The following SGK1 variants were observed in gnomAD, a reference collection of about 807,000 sequenced individuals.
SGK1 encodes the protein serine/threonine-protein kinase Sgk1.
A neutral mutation model predicts 64.2 loss-of-function variants in SGK1; 26 were observed. The ratio of observed to expected loss-of-function variants is 0.40; its 90% CI spans 0.30 to 0.56. SGK1 has a LOEUF of 0.56. Among genes scored for constraint, SGK1 ranks in the 20% least tolerant of loss-of-function variants. SGK1 has a pLI of 0.38. For missense variants in SGK1, 519 were observed against 645.6 expected, an observed-to-expected ratio of 0.80 and a Z score of 2.12; for synonymous variants, 265 against 239.7, an observed-to-expected ratio of 1.11 and a Z score of -0.98.
At chr6:134,178,975 C>T (rs1242910833) in intron 3 of SGK1, among the ~76,000 whole-genome samples, 3 of 151,960 alleles carry the variant, frequency 2.0e-5, no homozygotes, top group Non-Finnish European at 4.4e-5. Flanking sequence ...AATTTTTTCA[C>T]TCTTCTATTT....
At chr6:134,241,784 C>G (rs994830678) in intron 2 of SGK1, among the ~76,000 whole-genome samples, 2 of 152,000 alleles carry the variant, frequency 1.3e-5, no homozygotes, top group African/African-American at 4.8e-5. Context: ...CCACACCCGG[C>G]TAATTTTTTG....
chr6:134,249,659 A>T (rs1776577405), intron 2 of SGK1: 1 of 152,210 alleles, frequency 6.6e-6, no homozygotes, highest in African/African-American at 2.4e-5. Context: ...TAGGGTGCTT[A>T]CTGCCAAGCT....
intron 5 of SGK1, 38 bp downstream of exon 5, chr6:134,173,967 C>T (rs1296142322): frequency 1.4e-6 from 2 of 1,417,218 alleles, no homozygotes; most frequent in Non-Finnish European, 2.0e-6. Flanking sequence ...GACTCCCTTA[C>T]AGTTCTCCAC....
intron 2 of SGK1, among the ~76,000 whole-genome samples, chr6:134,257,829 A>G (rs1386499549): frequency 2.0e-5 from 3 of 152,196 alleles, no homozygotes; most frequent in Non-Finnish European, 4.4e-5. Flanking sequence ...TAACTACTAC[A>G]AAACTACTGG....
chr6:134,285,080 A>G (rs1028423792), intron 1 of SGK1, among the ~76,000 whole-genome samples: 8 of 152,046 alleles, frequency 5.3e-5, no homozygotes, highest in African/African-American at 1.9e-4. Context: ...ATCAAATGGT[A>G]GTTCTACTTA....
intron 2 of SGK1, among the ~76,000 whole-genome samples, chr6:134,231,385 G>A (rs1195211544): frequency 6.6e-6 from 1 of 152,186 alleles, no homozygotes; most frequent in African/African-American, 2.4e-5. Context: ...GTTAGAATAT[G>A]CAGTGTGAAA....
At position 134,273,324 on chromosome 6, in the gene SGK1, A is replaced by T. The variant is rs1319311417; in HGVS notation, c.70-11176T>A. On this transcript the variant is annotated intron_variant, in intron 1 of 13. Coordinates refer to ENST00000367858, the MANE Select transcript of SGK1 (RefSeq NM_001143676.3). ...TCTGGTGGAAGTGATGGTTAAGTTGAATCTTAAAAGCTGAGTTACACTTTG... is the reference window on the plus strand; with the variant it reads ...TCTGGTGGAAGTGATGGTTAAGTTGTATCTTAAAAGCTGAGTTACACTTTG... Among the ~76,000 whole-genome samples, 2 of 147,002 alleles carry T rather than the reference A, an allele frequency of 1.4e-5. 1 individual carries two copies. The highest frequency in any genetic ancestry group is 3.0e-5 in the Non-Finnish European group (2 of 66,520).
At chr6:134,172,160 G>A (rs369922851) in intron 10 of SGK1, 33 bp downstream of exon 10, 3 of 1,608,262 alleles carry the variant, frequency 1.9e-6, no homozygotes, top group Non-Finnish European at 2.5e-6. Context: ...GAAGGCGGGG[G>A]TAAACCAGGC....
chr6:134,203,482 A>T (rs911720987), intron 3 of SGK1, among the ~76,000 whole-genome samples: 4 of 152,228 alleles, frequency 2.6e-5, no homozygotes, highest in African/African-American at 9.6e-5. Flanking sequence ...TACATTAAGT[A>T]TAAAGGGGCT....
At chr6:134,305,363 C>CAAAAAAAAAAA (rs34637536) in intron 1 of SGK1, among the ~76,000 whole-genome samples, 1 of 65,646 alleles carries the variant, frequency 1.5e-5, no homozygotes, top group Non-Finnish European at 2.7e-5. Flanking sequence ...TACTTCATCT[C>CAAAAAAAAAAA]AAAAAAAAAA....
In SGK1 at chr6:134,262,057, G is replaced by A. The variant is rs1447394057; in HGVS notation, c.161C>T (p.Pro54Leu). The A allele has an allele frequency of 6.2e-7, 1 of 1,613,952 alleles. No homozygotes were observed. The highest frequency in any genetic ancestry group is 8.5e-7 in the Non-Finnish European group (1 of 1,179,826). The change falls in exon 2 of 14, where the codon CCT becomes CTT. Residue 54 changes from proline to leucine, a missense_variant. Coordinates refer to ENST00000367858, the MANE Select transcript of SGK1 (RefSeq NM_001143676.3). The part of the protein sequence containing the change: ...KYTGSSMVHI[P>L]PGEPDFESSL... ...AGACTCGAAGTCTGGCTCCCCTGGA[G>A]GGATGTGCACCATGGAGGAGCCGGT...
intron 3 of SGK1, chr6:134,175,941 G>A (rs1726065300): frequency 1.0e-5 from 12 of 1,168,152 alleles, no homozygotes; most frequent in Non-Finnish European, 1.3e-5. Flanking sequence ...GTGGAGGGGA[G>A]GGGGCGGAAA....
Position 134,173,125 on chromosome 6 carries a change from A to T in SGK1, c.732T>A (p.Val244=). The T allele has an allele frequency of 6.2e-7, 1 of 1,614,108 alleles. No homozygotes were observed. The highest frequency in any genetic ancestry group is 8.5e-7 in the Non-Finnish European group (1 of 1,179,978). Residue 244 remains valine, a synonymous_variant, in exon 8 of 14, where the codon GTT becomes GTA. Transcript: ENST00000367858. ...AAGGGTGCTTCACATTCTTCAACAG[A>T]ACATTCCGCTCCGACATAATATGCT... ...EEKHIMSERN[V]LLKNVKHPFL...
intron 1 of SGK1, among the ~76,000 whole-genome samples, chr6:134,280,194 GTC>G (rs1383165723): frequency 1.5e-5 from 2 of 129,510 alleles, no homozygotes; most frequent in African/African-American, 5.8e-5. Flanking sequence ...ATGAGACACT[GTC>G]TCAAAAAAAA....
chr6:134,207,957 G>T (rs1775821039), intron 2 of SGK1, among the ~76,000 whole-genome samples: 1 of 152,192 alleles, frequency 6.6e-6, no homozygotes, highest in South Asian at 2.1e-4. Flanking sequence ...TGTTGCTCAG[G>T]TTGGAGTGCA....
At position 134,317,566 on chromosome 6, in the gene SGK1, A is replaced by T; in HGVS notation, c.-106T>A. 1.3e-6 allele frequency: 1 copy of T among 768,376 alleles called. No individual in the cohort carries two copies. The allele number at this position is 768,376 out of a possible 1,614,324, so 47.6% of individuals were successfully genotyped here. On this transcript the variant is annotated 5_prime_UTR_variant, in exon 1 of 14. Coordinates refer to ENST00000367858, the MANE Select transcript of SGK1 (RefSeq NM_001143676.3). ...TCCTGCAGACAGTTAATGAAGACTG[A>T]GCGGGATGGAGAATCTAGCGGGGCT...
intron 1 of SGK1, among the ~76,000 whole-genome samples, chr6:134,277,066 AC>A (rs1777028888): frequency 6.6e-6 from 1 of 151,406 alleles, no homozygotes; most frequent in Non-Finnish European, 1.5e-5. Context: ...AAAAACAAAA[AC>A]AAAAACCAGA....
At chr6:134,236,947 A>C (rs1465710519) in intron 2 of SGK1, among the ~76,000 whole-genome samples, 1 of 152,118 alleles carries the variant, frequency 6.6e-6, no homozygotes, top group Non-Finnish European at 1.5e-5. Flanking sequence ...ATATCCAAAC[A>C]TCAAAACATC....
chr6:134,290,121 G>T (rs1400541862), intron 1 of SGK1, among the ~76,000 whole-genome samples: 1 of 130,890 alleles, frequency 7.6e-6, no homozygotes, highest in Non-Finnish European at 1.5e-5. Flanking sequence ...TTGCACTCCA[G>T]CCTGGGCAAC....
Sources: allele counts gnomAD v4.1 joint callset (sites outside exome capture counted in the v4.1 genomes callset), GRCh38; gene constraint gnomAD v4.1.1; transcripts MANE v1.5; gene names NCBI Gene and HGNC (gene_info 2026-07-23, HGNC 2026-07-21).